The following KIAA0513 variants were observed in gnomAD, a reference collection of about 807,000 sequenced individuals.
KIAA0513 encodes the protein KIAA0513, also known as uncharacterized protein KIAA0513.
A neutral mutation model predicts 56.5 loss-of-function variants in KIAA0513; 39 were observed. That is an observed-to-expected ratio of 0.69 (90% CI 0.53 to 0.90). The LOEUF is 0.90. KIAA0513 is among the 40% of genes least tolerant of loss of function. The pLI is 0.00. For missense variants in KIAA0513, 591 were observed against 535.2 expected, an observed-to-expected ratio of 1.10 and a Z score of -1.03; for synonymous variants, 268 against 215.6, an observed-to-expected ratio of 1.24 and a Z score of -2.13.
chr16:85,030,841 G>A (rs1247118477), intron 1 of KIAA0513, among the ~76,000 whole-genome samples: 1 of 152,074 alleles, frequency 6.6e-6, no homozygotes, highest in Non-Finnish European at 1.5e-5. Context: ...ATGGGGAGGA[G>A]TCCTAAAAAG....
At chr16:85,067,783 CTTTT>C (rs1165892066) in intron 2 of KIAA0513, among the ~76,000 whole-genome samples, 1 of 152,002 alleles carries the variant, frequency 6.6e-6, no homozygotes, top group Non-Finnish European at 1.5e-5. Context: ...CCATTATGTT[CTTTT>C]TGTTTATTTT....
rs546709644 is a variant in KIAA0513, at chr16:85,071,765, C to CT, written c.330-3dup. On this transcript the variant is annotated splice_polypyrimidine_tract_variant and intron_variant, in intron 2 of 12. Transcript: ENST00000683363. ...GGGTTTTTTTTTTTTTTCCTCTGCT[C>CT]TTTTTTTTTTTTTTTAGGGAGGACT... is the stretch of plus-strand genomic sequence containing the variant. The CT allele has an allele frequency of 0.23, 263,714 of 1,164,528 alleles. 3,073 individuals are homozygous for CT. The highest frequency in any genetic ancestry group is 0.37 in the African/African-American group (20,470 of 54,896). The allele number at this position is 1,164,528 out of a possible 1,614,324, so 72.1% of individuals were successfully genotyped here.
chr16:85,066,321 G>A (rs888884626), intron 1 of KIAA0513, among the ~76,000 whole-genome samples: 6 of 152,208 alleles, frequency 3.9e-5, no homozygotes, highest in Admixed American at 3.3e-4. Context: ...TTGTCCAGCG[G>A]GGCTGCAGTG....
At chr16:85,052,627 G>C (rs1330378840) in intron 1 of KIAA0513, among the ~76,000 whole-genome samples, 3 of 152,222 alleles carry the variant, frequency 2.0e-5, no homozygotes. Context: ...GCTAACCACA[G>C]TACTGCTGTG....
At chr16:85,068,244 C>T (rs569169565) in intron 2 of KIAA0513, among the ~76,000 whole-genome samples, 2 of 152,122 alleles carry the variant, frequency 1.3e-5, no homozygotes, top group African/African-American at 2.4e-5. Context: ...GCAACCTCCA[C>T]CTCCTGAGTT....
intron 4 of KIAA0513, among the ~76,000 whole-genome samples, chr16:85,074,800 C>T (rs923875115): frequency 4.0e-5 from 6 of 151,000 alleles, no homozygotes; most frequent in Admixed American, 1.3e-4. Flanking sequence ...CTTCAATTTC[C>T]GACATTTGCA....
chr16:85,035,816 A>C (rs1479659006), intron 1 of KIAA0513, among the ~76,000 whole-genome samples: 1 of 152,036 alleles, frequency 6.6e-6, no homozygotes, highest in Non-Finnish European at 1.5e-5. Context: ...GTCTCTACTA[A>C]AAGAATACAA....
At chr16:85,082,030 C>T (rs925041805) in intron 9 of KIAA0513, among the ~76,000 whole-genome samples, 1 of 152,230 alleles carries the variant, frequency 6.6e-6, no homozygotes, top group African/African-American at 2.4e-5. Flanking sequence ...AAGTCTGAAC[C>T]TCTCAGGGCC....
intron 10 of KIAA0513, among the ~76,000 whole-genome samples, chr16:85,083,362 C>T (rs536706214): frequency 1.3e-5 from 2 of 152,306 alleles, no homozygotes; most frequent in African/African-American, 4.8e-5. Flanking sequence ...AAGTTGCCTC[C>T]TCTAATCAGT....
chr16:85,038,798 A>G (rs1235236598), intron 1 of KIAA0513, among the ~76,000 whole-genome samples: 1 of 151,992 alleles, frequency 6.6e-6, no homozygotes, highest in East Asian at 1.9e-4. Flanking sequence ...TCTACATGTA[A>G]TCTATATAAA....
chr16:85,073,096 C>T, intron 4 of KIAA0513, 98 bp downstream of exon 4: 1 of 972,840 alleles, frequency 1.0e-6, no homozygotes, highest in Non-Finnish European at 1.7e-6. Context: ...AGCTGTGAAC[C>T]ATATCCACAC....
intron 1 of KIAA0513, among the ~76,000 whole-genome samples, chr16:85,063,968 C>T (rs1455721615): frequency 1.3e-5 from 2 of 150,648 alleles, no homozygotes; most frequent in Admixed American, 6.6e-5. Context: ...GCAACTTTTT[C>T]ACATGTATTT....
intron 2 of KIAA0513, among the ~76,000 whole-genome samples, chr16:85,068,613 T>A (rs2073525508): frequency 6.6e-6 from 1 of 152,122 alleles, no homozygotes; most frequent in Non-Finnish European, 1.5e-5. Context: ...ATTACAGGTG[T>A]GAGCCACCAC....
intron 1 of KIAA0513, among the ~76,000 whole-genome samples, chr16:85,036,615 G>A (rs919799928): frequency 6.6e-6 from 1 of 152,148 alleles, no homozygotes; most frequent in Middle Eastern, 3.2e-3. Flanking sequence ...TGATTGTGGG[G>A]TGGACGAGCA....
chr16:85,043,401 A>ATT lies in KIAA0513; in HGVS notation c.-173+15570_-173+15571dup, dbSNP rs761248323. Among the ~76,000 whole-genome samples the ATT allele has an allele frequency of 1.4e-3, 110 of 77,924 alleles. 2 individuals are homozygous for ATT. The highest frequency in any genetic ancestry group is 2.0e-3 in the Admixed American group (12 of 6,016). The allele number at this position is 77,924 out of a possible 152,430, so 51.1% of individuals were successfully genotyped here. ...GGGTTTGGAGCCTGTTGCTTCTTGG[A>ATT]TTTTTTTTTTTTTTTTTTTTTTTTT... On this transcript the variant is annotated intron_variant, in intron 1 of 12. Coordinates refer to ENST00000683363, the MANE Select transcript of KIAA0513 (RefSeq NM_001388359.1).
chr16:85,070,187 A>AG (rs529462213), intron 2 of KIAA0513, among the ~76,000 whole-genome samples: 21,958 of 147,296 alleles, frequency 0.15, 2,211 homozygotes, highest in South Asian at 0.22. Context: ...AAAAAAAGAA[A>AG]AAAGAAAGAA....
intron 6 of KIAA0513, 92 bp downstream of exon 6, chr16:85,077,724 G>A (rs1281866337): frequency 5.5e-6 from 5 of 915,830 alleles, no homozygotes; most frequent in South Asian, 3.4e-5. Flanking sequence ...GGGTGCGGGT[G>A]AGGCCCAGAG....
chr16:85,072,895 T>G (rs759073035), intron 3 of KIAA0513, 30 bp from the exon 4 acceptor site: 1 of 1,611,298 alleles, frequency 6.2e-7, no homozygotes, highest in Non-Finnish European at 8.5e-7. Context: ...GCCCTGAACC[T>G]CAATGATGTG....
chr16:85,044,393 G>A (rs1361874772), intron 1 of KIAA0513, among the ~76,000 whole-genome samples: 1 of 152,192 alleles, frequency 6.6e-6, no homozygotes, highest in East Asian at 1.9e-4. Context: ...GTATCCCAGA[G>A]GGGGACACGT....
Sources: gnomAD v4.1 joint callset for allele counts (sites outside exome capture counted in the v4.1 genomes callset) on GRCh38, gnomAD v4.1.1 for gene constraint, MANE v1.5 for transcripts, NCBI Gene and HGNC (gene_info 2026-07-23, HGNC 2026-07-21) for gene names.